Variants in SCFD2 observed in about 807,000 individuals in gnomAD.
SCFD2 encodes sec1 family domain-containing protein 2.
SCFD2 carries 54 observed loss-of-function variants against 58.9 expected under a neutral mutation model. The ratio of observed to expected loss-of-function variants is 0.92; its 90% CI spans 0.74 to 1.15. The LOEUF (loss-of-function observed/expected upper bound fraction) is 1.15. Ranked by LOEUF, SCFD2 falls within the 50% of genes most tolerant of loss-of-function variation. The pLI is 0.00. For missense variants in SCFD2, 805 were observed against 836.6 expected (o/e 0.96, Z 0.47); for synonymous variants, 321 against 335.9 (o/e 0.96, Z 0.49).
intron 5 of SCFD2, among the ~76,000 whole-genome samples, chr4:53,053,222 C>CAA (rs1277787453): frequency 2.7e-3 from 210 of 77,484 alleles, no homozygotes; most frequent in African/African-American, 8.0e-3. Context: ...GACACCGTCT[C>CAA]AAAAAAAAAA....
chr4:53,185,333 C>T (rs1333165814), intron 4 of SCFD2, among the ~76,000 whole-genome samples: 1 of 152,038 alleles, frequency 6.6e-6, no homozygotes, highest in African/African-American at 2.4e-5. Context: ...GAAAATGCTG[C>T]TCTGAATAGG....
chr4:53,005,031 G>T (rs2148802912), intron 5 of SCFD2, among the ~76,000 whole-genome samples: 1 of 152,226 alleles, frequency 6.6e-6, no homozygotes, highest in East Asian at 1.9e-4. Context: ...CCCAGTAGCT[G>T]GGACTACAGG....
rs189327743 is a variant in SCFD2, at chr4:53,032,226, G to C, written c.1562-111356C>G. On this transcript the variant is annotated intron_variant, in intron 5 of 8. Transcript: ENST00000401642. ...TGAAGGAGAAATAAAATCCTTTACA[G>C]ATAAGCAAAAGCTGAGAGATTTTGT... Among the ~76,000 whole-genome samples the C allele has an allele frequency of 1.2e-3, 178 of 152,322 alleles. 1 individual carries two copies. The highest frequency in any genetic ancestry group is 3.6e-3 in the Admixed American group (55 of 15,300).
chr4:53,254,206 AT>A (rs750249685), intron 4 of SCFD2, among the ~76,000 whole-genome samples: 24 of 152,254 alleles, frequency 1.6e-4, no homozygotes, highest in Non-Finnish European at 2.4e-4. Flanking sequence ...TTGAATCGTA[AT>A]CCCCATAATC....
At chr4:53,022,981 T>C (rs898806709) in intron 5 of SCFD2, among the ~76,000 whole-genome samples, 4 of 152,170 alleles carry the variant, frequency 2.6e-5, no homozygotes, top group Admixed American at 1.3e-4. Flanking sequence ...ACAGGCATTT[T>C]GAAAACTATC....
At chr4:53,039,469 A>C (rs1006971878) in intron 5 of SCFD2, among the ~76,000 whole-genome samples, 1 of 152,136 alleles carries the variant, frequency 6.6e-6, no homozygotes, top group Non-Finnish European at 1.5e-5. Context: ...GGCCCTCTGT[A>C]ATCTGACTAC....
rs139119397 is a variant in SCFD2, at chr4:53,096,122, A to C, written c.1561+49211T>G. The stretch of plus-strand genomic sequence containing the variant: ...ATTTTCTTAATCCAGTCTATCATAG[A>C]TGGACATTTGGGTTGGTTCCAATTC... On this transcript the variant is annotated intron_variant, in intron 5 of 8. Transcript: ENST00000401642. Among the ~76,000 whole-genome samples the C allele has an allele frequency of 2.1e-4, 32 of 152,238 alleles. No individual in the cohort carries two copies. In the East Asian group the frequency reaches 5.8e-3, roughly 28 times the overall value.
intron 4 of SCFD2, among the ~76,000 whole-genome samples, chr4:53,167,666 T>C (rs1202871686): frequency 6.6e-6 from 1 of 152,186 alleles, no homozygotes; most frequent in African/African-American, 2.4e-5. Flanking sequence ...TGTTTAAAAA[T>C]GATCTAAAAA....
chr4:53,300,902 G>A lies in SCFD2; in HGVS notation c.1135+12734C>T, dbSNP rs148570536. On this transcript the variant is annotated intron_variant, in intron 3 of 8. Transcript: ENST00000401642. ...AATAAAGATGTTCTTTGAAACCAAC[G>A]ACAACAAAGACACAACATATCAGAA... Among the ~76,000 whole-genome samples the A allele has an allele frequency of 7.4e-3, 1,124 of 152,268 alleles. 7 individuals are homozygous for A. The highest frequency in any genetic ancestry group is 0.026 in the African/African-American group (1,067 of 41,534).
chr4:53,212,245 A>G (rs555990420), intron 4 of SCFD2, among the ~76,000 whole-genome samples: 1 of 152,174 alleles, frequency 6.6e-6, no homozygotes, highest in East Asian at 1.9e-4. Flanking sequence ...AAGTCGGTAA[A>G]GTTAACCATA....
intron 4 of SCFD2, among the ~76,000 whole-genome samples, chr4:53,159,722 C>A (rs760209732): frequency 4.6e-5 from 7 of 152,156 alleles, no homozygotes; most frequent in Non-Finnish European, 8.8e-5. Flanking sequence ...CTATGTGCCA[C>A]AGATATTAAG....
chr4:52,923,675 G>T (rs1432834415), intron 5 of SCFD2, among the ~76,000 whole-genome samples: 1 of 152,026 alleles, frequency 6.6e-6, no homozygotes, highest in Non-Finnish European at 1.5e-5. Flanking sequence ...TTTGAGGAAA[G>T]AAGAAAATGT....
At chr4:52,933,630 T>C (rs1217364947) in intron 5 of SCFD2, among the ~76,000 whole-genome samples, 1 of 152,166 alleles carries the variant, frequency 6.6e-6, no homozygotes, top group African/African-American at 2.4e-5. Context: ...GCCGGCTCCA[T>C]GATCTGAAGG....
chr4:52,920,934 G>A (rs968973494), intron 5 of SCFD2, 64 bp from the exon 6 acceptor site: 3 of 1,043,728 alleles, frequency 2.9e-6, no homozygotes, highest in Non-Finnish European at 4.1e-6. Flanking sequence ...ATGACAGCTT[G>A]AGCTCGATGT....
intron 4 of SCFD2, among the ~76,000 whole-genome samples, chr4:53,176,543 TAGAG>T (rs1021303549): frequency 9.9e-4 from 151 of 152,296 alleles, no homozygotes; most frequent in African/African-American, 3.5e-3. Flanking sequence ...GGGACCTGAA[TAGAG>T]AGAAAGGAAT....
chr4:53,302,611 A>C (rs991168320), intron 3 of SCFD2, among the ~76,000 whole-genome samples: 3 of 152,220 alleles, frequency 2.0e-5, no homozygotes, highest in African/African-American at 7.2e-5. Context: ...TTTAAAGTTC[A>C]TATGGAACCA....
At chr4:53,142,347 T>C (rs1256086764) in intron 5 of SCFD2, among the ~76,000 whole-genome samples, 3 of 152,246 alleles carry the variant, frequency 2.0e-5, no homozygotes, top group Non-Finnish European at 4.4e-5. Flanking sequence ...GTAGAATTGT[T>C]ATTCAATTGT....
At chr4:53,344,425 A>G (rs1733989607) in intron 2 of SCFD2, among the ~76,000 whole-genome samples, 1 of 152,196 alleles carries the variant, frequency 6.6e-6, no homozygotes, top group Non-Finnish European at 1.5e-5. Flanking sequence ...GAGAACTACA[A>G]ACCACTGCTC....
At chr4:53,062,254 C>A (rs1207060979) in intron 5 of SCFD2, among the ~76,000 whole-genome samples, 3 of 151,794 alleles carry the variant, frequency 2.0e-5, no homozygotes, top group Non-Finnish European at 4.4e-5. Flanking sequence ...CGCCTGTAAT[C>A]CCTGCTACTT....
Sources: allele counts gnomAD v4.1 joint callset (sites outside exome capture counted in the v4.1 genomes callset), GRCh38; gene constraint gnomAD v4.1.1; transcripts MANE v1.5; gene names NCBI Gene and HGNC (gene_info 2026-07-23, HGNC 2026-07-21).